Variants in CHIC2 observed in about 807,000 individuals in gnomAD.
CHIC2 encodes the protein cysteine-rich hydrophobic domain-containing protein 2.
Under a neutral mutation model 25.9 loss-of-function variants are expected in CHIC2, and 14 were observed. That is an observed-to-expected ratio of 0.54 (90% CI 0.36 to 0.85). The LOEUF (loss-of-function observed/expected upper bound fraction) is 0.85, where lower values mean the gene tolerates loss of function less well. CHIC2 is among the 40% of genes least tolerant of loss of function. The pLI is 0.01. For synonymous variants in CHIC2, 70 were observed against 72.0 expected (o/e 0.97, Z 0.14); for missense variants, 146 against 202.0 (o/e 0.72, Z 1.68).
At chr4:54,028,440 T>G (rs1282901390) in intron 3 of CHIC2, among the ~76,000 whole-genome samples, 3 of 152,236 alleles carry the variant, frequency 2.0e-5, no homozygotes, top group Admixed American at 2.0e-4. Context: ...ACTTGACTTC[T>G]GAGCCTCAGT....
At chr4:54,016,551 T>C (rs577156778) in intron 3 of CHIC2, among the ~76,000 whole-genome samples, 4 of 152,288 alleles carry the variant, frequency 2.6e-5, no homozygotes, top group Non-Finnish European at 2.9e-5. Flanking sequence ...AGCCCTGATA[T>C]GCCACATTCT....
intron 3 of CHIC2, among the ~76,000 whole-genome samples, chr4:54,047,418 G>C (rs1033615755): frequency 1.3e-5 from 2 of 152,110 alleles, no homozygotes; most frequent in African/African-American, 4.8e-5. Context: ...AACAATGGTA[G>C]ACTGGATTAA....
intron 3 of CHIC2, among the ~76,000 whole-genome samples, chr4:54,042,866 G>A (rs1157170744): frequency 6.6e-6 from 1 of 152,148 alleles, no homozygotes; most frequent in Admixed American, 6.5e-5. Flanking sequence ...TCAATAGAAT[G>A]TACCAGTTTA....
chr4:54,083,297 G>A, the CHIC2 span, among the ~76,000 whole-genome samples: 1 of 152,000 alleles, frequency 6.6e-6, no homozygotes, highest in African/African-American at 2.4e-5. Flanking sequence ...TTACAGGCAT[G>A]AGCCACCACG....
intron 3 of CHIC2, among the ~76,000 whole-genome samples, chr4:54,017,735 A>G (rs1395954782): frequency 7.9e-5 from 12 of 152,196 alleles, no homozygotes; most frequent in African/African-American, 2.9e-4. Flanking sequence ...TCATGTTACT[A>G]ACCTGGTCTG....
intron 3 of CHIC2, among the ~76,000 whole-genome samples, chr4:54,034,587 T>A (rs1716329282): frequency 1.3e-5 from 2 of 152,224 alleles, no homozygotes; most frequent in Non-Finnish European, 2.9e-5. Context: ...TTTTTCATTT[T>A]AATTTTTTAT....
chr4:54,030,573 C>T (rs1448938412), intron 3 of CHIC2, among the ~76,000 whole-genome samples: 3 of 145,224 alleles, frequency 2.1e-5, no homozygotes, highest in East Asian at 3.9e-4. Flanking sequence ...CACACACACA[C>T]ATATACAATA....
chr4:54,010,989 A>G (rs934276186), intron 5 of CHIC2, among the ~76,000 whole-genome samples: 1 of 152,198 alleles, frequency 6.6e-6, no homozygotes, highest in African/African-American at 2.4e-5. Context: ...AATTACACAA[A>G]GTGACCAGAG....
At chr4:54,019,188 TTAAA>T (rs1303966903) in intron 3 of CHIC2, among the ~76,000 whole-genome samples, 1 of 151,952 alleles carries the variant, frequency 6.6e-6, no homozygotes, top group East Asian at 1.9e-4. Context: ...GTGCAGAAAA[TTAAA>T]TAATTATATC....
chr4:54,081,501 C>G, the CHIC2 span, among the ~76,000 whole-genome samples: 3 of 152,126 alleles, frequency 2.0e-5, no homozygotes, highest in Non-Finnish European at 4.4e-5. Context: ...TTCTATTCTA[C>G]TTATCTACCT....
the CHIC2 span, among the ~76,000 whole-genome samples, chr4:54,085,488 T>C: frequency 2.6e-5 from 4 of 152,194 alleles, no homozygotes; most frequent in Non-Finnish European, 4.4e-5. Context: ...AACAGAGTAA[T>C]ACAATGACTA....
At chr4:54,041,299 G>C (rs1277331200) in intron 3 of CHIC2, among the ~76,000 whole-genome samples, 1 of 151,880 alleles carries the variant, frequency 6.6e-6, no homozygotes, top group African/African-American at 2.4e-5. Context: ...CCACATAAGA[G>C]GATTTCACAT....
chr4:54,010,444 G>T (rs1273200661), intron 5 of CHIC2, among the ~76,000 whole-genome samples: 1 of 152,044 alleles, frequency 6.6e-6, no homozygotes, highest in Non-Finnish European at 1.5e-5. Flanking sequence ...CTGATACACT[G>T]GAGGAGCAAA....
At position 54,064,218 on chromosome 4, in the gene CHIC2, T is replaced by G; in HGVS notation, c.83A>C (p.Asp28Ala). The G allele has an allele frequency of 6.2e-7, 1 of 1,607,204 alleles. No individual in the cohort carries two copies. Among genetic ancestry groups the G allele is most frequent in the Non-Finnish European group, 8.5e-7 (1 of 1,177,092 alleles). Residue 28 changes from aspartate (D) to alanine (A), a missense_variant, in exon 1 of 6, where the codon GAC becomes GCC. Physicochemically the swap from Asp to Ala is moderately radical, Grantham distance 126. Coordinates refer to ENST00000263921, the MANE Select transcript of CHIC2 (RefSeq NM_012110.4). The surrounding 1 kb of genome is among the most constrained non-coding windows in gnomAD (Gnocchi z 4.2). ...ACCGGAGCCGCGGACGACCACCGGG[T>G]CCGGCGAGTACTTGAGCAGCTGCTC... ...LEEQLLKYSP[D>A]PVVVRGSGHV...
Position 54,064,433 on chromosome 4 carries a change from G to T in CHIC2, c.-133C>A. 6.0e-6 allele frequency: 9 copies of T among 1,511,586 alleles called. No individual in the cohort carries two copies. The highest frequency in any genetic ancestry group is 7.9e-6 in the Non-Finnish European group (9 of 1,134,238). 93.6% of individuals were successfully genotyped at this position (1,511,586 alleles called of 1,614,324 possible). A position where few individuals can be genotyped will look rare whatever the true frequency, so the allele number is the denominator to read the frequency against. On this transcript the variant is annotated 5_prime_UTR_variant, in exon 1 of 6. Transcript: ENST00000263921. This position sits in a 1 kb window ranked among gnomAD's most constrained non-coding sequence, Gnocchi z 4.2. ...CTCCGAGGCCGCGGAGTTCGCTGTC[G>T]GCTGTCTCGGCTCCGGCTACAGAGG...
the CHIC2 span, among the ~76,000 whole-genome samples, chr4:54,084,454 T>C: frequency 6.6e-6 from 1 of 151,754 alleles, no homozygotes; most frequent in Non-Finnish European, 1.5e-5. Flanking sequence ...GCCCATATTG[T>C]TTGGAATCTA....
chr4:54,061,033 C>T (rs1717317439), intron 1 of CHIC2: 1 of 152,030 alleles, frequency 6.6e-6, no homozygotes. Context: ...AAATATTATA[C>T]TTAAACAGAA....
At chr4:54,047,212 C>T (rs926526327) in intron 3 of CHIC2, among the ~76,000 whole-genome samples, 14 of 152,072 alleles carry the variant, frequency 9.2e-5, no homozygotes, top group South Asian at 2.1e-4. Context: ...GACTATAAAC[C>T]AGTTCAACCA....
At chr4:54,033,006 T>TC (rs1353954845) in intron 3 of CHIC2, among the ~76,000 whole-genome samples, 1 of 152,126 alleles carries the variant, frequency 6.6e-6, no homozygotes, top group Admixed American at 6.5e-5. Flanking sequence ...GTGGCACCTC[T>TC]CCCAACCCCC....
Sources: allele counts gnomAD v4.1 joint callset (sites outside exome capture counted in the v4.1 genomes callset), GRCh38; gene constraint gnomAD v4.1.1; non-coding constraint Gnocchi (gnomAD v3.1); transcripts MANE v1.5; gene names NCBI Gene and HGNC (gene_info 2026-07-23, HGNC 2026-07-21).